The following MYLIP variants were observed in gnomAD, a reference collection of about 807,000 sequenced individuals.
MYLIP encodes myosin regulatory light chain interacting protein.
MYLIP carries 26 observed loss-of-function variants against 45.8 expected under a neutral mutation model. The ratio of observed to expected loss-of-function variants is 0.57; its 90% confidence interval spans 0.42 to 0.79. The LOEUF (loss-of-function observed/expected upper bound fraction) is 0.79. Among genes scored for constraint, MYLIP ranks in the 30% least tolerant of loss-of-function variants. The pLI, the probability that MYLIP is intolerant of heterozygous loss-of-function variation, is 0.00. For missense variants in MYLIP, 494 were observed against 555.6 expected (o/e 0.89, Z 1.11); for synonymous variants, 213 against 218.1 (o/e 0.98, Z 0.21).
chr6:16,162,283 C>A, the MYLIP span, among the ~76,000 whole-genome samples: 3 of 152,160 alleles, frequency 2.0e-5, no homozygotes, highest in African/African-American at 4.8e-5. Context: ...AGGCTCAGAG[C>A]AGACCAGACT....
At position 16,144,919 on chromosome 6, in the gene MYLIP, G is replaced by A. The variant is rs778685907; in HGVS notation, c.850G>A (p.Val284Met). Residue 284 changes from valine (V) to methionine (M), a missense_variant, in exon 6 of 7, where the codon GTG becomes ATG. Val to Met is a conservative substitution (Grantham distance 21). Coordinates refer to ENST00000356840, the MANE Select transcript of MYLIP (RefSeq NM_013262.4). ...CAGGTGTGACACAGTGACCAGCGCC[G>A]TGATGATGCAGTATAGCCGTGACTT... is the stretch of plus-strand genomic sequence containing the variant. ...FYRCDTVTSAVMMQYSRDLKG... is the reference protein window; with the variant it reads ...FYRCDTVTSAMMMQYSRDLKG... 37 of 1,613,670 alleles carry A rather than the reference G, an allele frequency of 2.3e-5. No homozygotes were observed. Among genetic ancestry groups the A allele is most frequent in the Middle Eastern group, 1.6e-4 (1 of 6,082 alleles).
the MYLIP span, among the ~76,000 whole-genome samples, chr6:16,160,665 G>T: frequency 3.9e-5 from 6 of 152,254 alleles, no homozygotes; most frequent in African/African-American, 1.2e-4. Context: ...AGTCAGGCAT[G>T]GTAGCGGGTG....
chr6:16,130,166 G>A (rs1379706719), intron 1 of MYLIP, among the ~76,000 whole-genome samples: 1 of 152,192 alleles, frequency 6.6e-6, no homozygotes, highest in African/African-American at 2.4e-5. Context: ...GATTTTTGGA[G>A]TCCAAATGGT....
rs765116596 is a variant in MYLIP, at chr6:16,135,748, C to CATATATATATATATATATATATAT, written c.278+5007_278+5008insATATATATATATATATATATATAT. ...TACACACATTATATGTGTGTGTATA[C>CATATATATATATATATATATATAT]ATATATCTATATATATATATATATA... is the stretch of plus-strand genomic sequence containing the variant. On this transcript the variant is annotated intron_variant, in intron 2 of 6. Transcript: ENST00000356840. Among the ~76,000 whole-genome samples, 98 of 113,068 alleles carry CATATATATATATATATATATATAT rather than the reference C, an allele frequency of 8.7e-4. 5 individuals are homozygous for CATATATATATATATATATATATAT. The highest frequency in any genetic ancestry group is 2.0e-3 in the Admixed American group (20 of 9,788). The allele number at this position is 113,068 out of a possible 152,430, so 74.2% of individuals were successfully genotyped here.
intron 3 of MYLIP, among the ~76,000 whole-genome samples, chr6:16,142,522 C>T (rs893530074): frequency 1.3e-5 from 2 of 152,150 alleles, no homozygotes; most frequent in Non-Finnish European, 2.9e-5. Flanking sequence ...GGAATCTGGC[C>T]ATGTCTTGGC....
chr6:16,160,724 C>T, the MYLIP span, among the ~76,000 whole-genome samples: 2 of 152,146 alleles, frequency 1.3e-5, no homozygotes, highest in African/African-American at 2.4e-5. Context: ...ATTGCTTGAA[C>T]CCAGGAGGCG....
At chr6:16,139,125 G>T (rs186315221) in intron 2 of MYLIP, among the ~76,000 whole-genome samples, 1 of 152,306 alleles carries the variant, frequency 6.6e-6, no homozygotes, top group African/African-American at 2.4e-5. Context: ...TGAAAAATAA[G>T]TTAAAAGCCA....
chr6:16,131,030 A>G (rs1167908196), intron 2 of MYLIP, among the ~76,000 whole-genome samples: 12 of 52,736 alleles, frequency 2.3e-4, no homozygotes, highest in Non-Finnish European at 2.9e-4. Flanking sequence ...CTACCCCAGG[A>G]AAAAAAAAAA....
At position 16,135,831 on chromosome 6, in the gene MYLIP, G is replaced by A. The variant is rs1759545465; in HGVS notation, c.278+5084G>A. Among the ~76,000 whole-genome samples, 2 of 145,092 alleles carry A rather than the reference G, an allele frequency of 1.4e-5. 1 individual carries two copies. The highest frequency in any genetic ancestry group is 3.0e-5 in the Non-Finnish European group (2 of 66,650). On this transcript the variant is annotated intron_variant, in intron 2 of 6. Coordinates refer to ENST00000356840, the MANE Select transcript of MYLIP (RefSeq NM_013262.4). ...ATATACAGTATATATTCTATATAGTGTACATGTACACTATATATTCTACTC... is the reference window on the plus strand; with the variant it reads ...ATATACAGTATATATTCTATATAGTATACATGTACACTATATATTCTACTC...
chr6:16,150,469 A>G (rs1410238815), downstream of MYLIP, among the ~76,000 whole-genome samples: 2 of 152,170 alleles, frequency 1.3e-5, no homozygotes, highest in Non-Finnish European at 2.9e-5. Context: ...AGGAGAAGGC[A>G]GGGCCACGAG....
chr6:16,154,948 G>T, the MYLIP span, among the ~76,000 whole-genome samples: 1 of 152,124 alleles, frequency 6.6e-6, no homozygotes, highest in Admixed American at 6.5e-5. Flanking sequence ...AACAATTCTG[G>T]GATCTCCAGT....
chr6:16,151,643 T>TA (rs1759881684), downstream of MYLIP, among the ~76,000 whole-genome samples: 1 of 152,236 alleles, frequency 6.6e-6, no homozygotes, highest in African/African-American at 2.4e-5. Flanking sequence ...GCAGATTACT[T>TA]ATATTCATAT....
intron 2 of MYLIP, among the ~76,000 whole-genome samples, chr6:16,135,405 C>A (rs1428911012): frequency 2.0e-5 from 3 of 152,160 alleles, no homozygotes; most frequent in African/African-American, 7.2e-5. Flanking sequence ...ATTTTCCCAG[C>A]TGCTGCCCTC....
chr6:16,145,338 CT>C, intron 6 of MYLIP, 21 bp downstream of exon 6: 1 of 1,554,666 alleles, frequency 6.4e-7, no homozygotes, highest in Non-Finnish European at 8.7e-7. Flanking sequence ...CAGCTGCCCA[CT>C]TTTGCCTGCA....
At position 16,145,062 on chromosome 6, in the gene MYLIP, C is replaced by A. The variant is rs1759758117; in HGVS notation, c.993C>A (p.Tyr331Ter). Residue 331 changes from tyrosine to a stop codon, truncating the protein, a stop_gained, in exon 6 of 7, where the codon TAC becomes TAA. Coordinates refer to ENST00000356840, the MANE Select transcript of MYLIP (RefSeq NM_013262.4). LOFTEE classifies it high-confidence loss of function. ...EVYDHARRAL[Y>*]NAGVVDLVSR... Reference sequence around the variant, plus strand: ...ATGACCATGCCAGGAGGGCTCTGTACAATGCTGGCGTTGTGGACCTCGTTT... The same window carrying A: ...ATGACCATGCCAGGAGGGCTCTGTAAAATGCTGGCGTTGTGGACCTCGTTT... 6 of 1,614,190 alleles carry A rather than the reference C, an allele frequency of 3.7e-6. No individual in the cohort carries two copies. The highest frequency in any genetic ancestry group is 5.1e-6 in the Non-Finnish European group (6 of 1,180,018).
chr6:16,150,571 G>A (rs575617942), downstream of MYLIP, among the ~76,000 whole-genome samples: 7 of 152,262 alleles, frequency 4.6e-5, no homozygotes, highest in South Asian at 1.4e-3. Flanking sequence ...GTGCATGCTT[G>A]TAGTTCCAGC....
rs142596337 is a variant in MYLIP, at chr6:16,146,999, A to AT, written c.*256dup. The stretch of plus-strand genomic sequence containing the variant: ...ACGCAGACACATTCCTTGGATGTTG[A>AT]TTTTTTTTATGATCTAGTAAAGGAA... On this transcript the variant is annotated 3_prime_UTR_variant, in exon 7 of 7. Coordinates refer to ENST00000356840, the MANE Select transcript of MYLIP (RefSeq NM_013262.4). 4,255 of 354,466 alleles carry AT rather than the reference A, an allele frequency of 0.012. 122 individuals are homozygous for AT. The highest frequency in any genetic ancestry group is 0.07 in the African/African-American group (3,432 of 49,034). 22.0% of individuals were successfully genotyped at this position (354,466 alleles called of 1,614,324 possible).
chr6:16,135,881 C>G (rs1436772362), intron 2 of MYLIP, among the ~76,000 whole-genome samples: 1 of 148,320 alleles, frequency 6.7e-6, no homozygotes, highest in Non-Finnish European at 1.5e-5. Context: ...TAAGTATATA[C>G]TATATATACT....
intron 2 of MYLIP, among the ~76,000 whole-genome samples, chr6:16,137,272 G>A (rs975512436): frequency 6.6e-6 from 1 of 152,174 alleles, no homozygotes; most frequent in Non-Finnish European, 1.5e-5. Context: ...TAACTTGGCA[G>A]TCAAAGTTTG....
Sources: gnomAD v4.1 joint callset for allele counts (sites outside exome capture counted in the v4.1 genomes callset) on GRCh38, gnomAD v4.1.1 for gene constraint, MANE v1.5 for transcripts, NCBI Gene and HGNC (gene_info 2026-07-23, HGNC 2026-07-21) for gene names.